The following OCA2 variants were observed in gnomAD, a reference collection of about 807,000 sequenced individuals.
OCA2 encodes P protein.
OCA2 carries 77 observed loss-of-function variants against 100.2 expected under a neutral mutation model. The ratio of observed to expected loss-of-function variants is 0.77; its 90% CI spans 0.64 to 0.93. OCA2 has a LOEUF of 0.93. OCA2 is among the 40% of genes least tolerant of loss of function. OCA2 has a pLI of 0.00. For missense variants in OCA2, 1,062 were observed against 1,089.1 expected, an observed-to-expected ratio of 0.98 and a Z score of 0.35; for synonymous variants, 432 against 439.2, an observed-to-expected ratio of 0.98 and a Z score of 0.21.
intron 19 of OCA2, among the ~76,000 whole-genome samples, chr15:27,925,821 T>C (rs2039022384): frequency 6.6e-6 from 1 of 152,218 alleles, no homozygotes; most frequent in Non-Finnish European, 1.5e-5. Context: ...AACTTGCTGT[T>C]ATAAGTAATT....
chr15:27,893,390 G>C (rs2037547297), intron 19 of OCA2, among the ~76,000 whole-genome samples: 1 of 152,134 alleles, frequency 6.6e-6, no homozygotes. Flanking sequence ...AAAAAGTACA[G>C]AATAACAGCG....
chr15:27,743,645 A>G, the OCA2 span, among the ~76,000 whole-genome samples: 2 of 152,212 alleles, frequency 1.3e-5, no homozygotes, highest in Non-Finnish European at 2.9e-5. Flanking sequence ...TAGTGAATTC[A>G]GCAACTAAAT....
At chr15:27,939,761 G>A (rs964493856) in intron 18 of OCA2, among the ~76,000 whole-genome samples, 10 of 152,234 alleles carry the variant, frequency 6.6e-5, no homozygotes, top group Non-Finnish European at 1.3e-4. Context: ...TCACAGTGAG[G>A]AGTGGGTAAA....
At chr15:27,756,724 A>C (rs575730471) in intron 23 of OCA2, among the ~76,000 whole-genome samples, 176 of 152,118 alleles carry the variant, frequency 1.2e-3, no homozygotes, top group African/African-American at 4.2e-3. Flanking sequence ...GTGTAGAGTG[A>C]GTCAGTGTCA....
intron 23 of OCA2, among the ~76,000 whole-genome samples, chr15:27,756,898 G>C (rs184419201): frequency 3.9e-5 from 6 of 152,198 alleles, no homozygotes; most frequent in Non-Finnish European, 8.8e-5. Flanking sequence ...TCCCAAGTGA[G>C]AGCCACTGAT....
At position 28,043,412 on chromosome 15, in the gene OCA2, C is replaced by T. The variant is rs562448146; in HGVS notation, c.228-11249G>A. On this transcript the variant is annotated intron_variant, in intron 2 of 23. Transcript: ENST00000354638. The surrounding 1 kb of genome is among the most constrained non-coding windows in gnomAD (Gnocchi z 4.4). ...TCCAGCTTGCTGTGAAGCTGGTGAT[C>T]GCTCAATAAATCTCCAAAAATCACA... 6.6e-6 allele frequency among the ~76,000 whole-genome samples: 1 copy of T among 152,156 alleles called. No individual in the cohort carries two copies. The highest frequency in any genetic ancestry group is 2.4e-5 in the African/African-American group (1 of 41,432).
At chr15:27,734,286 CA>C in the OCA2 span, among the ~76,000 whole-genome samples, 664 of 76,346 alleles carry the variant, frequency 8.7e-3, 2 homozygotes, top group African/African-American at 0.022. Context: ...TTTTCAAGAG[CA>C]AAAAAAAAAA....
At chr15:27,881,509 G>A (rs1303007920) in intron 19 of OCA2, among the ~76,000 whole-genome samples, 1 of 151,958 alleles carries the variant, frequency 6.6e-6, no homozygotes, top group Non-Finnish European at 1.5e-5. Flanking sequence ...TTTATTATGG[G>A]TAGGCTGTTA....
Position 28,032,176 on chromosome 15 carries a change from G to C in OCA2, c.228-13C>G, listed in dbSNP as rs2042925057. 2 of 1,582,786 alleles carry C rather than the reference G, an allele frequency of 1.3e-6. No individual in the cohort carries two copies. Among genetic ancestry groups the C allele is most frequent in the Non-Finnish European group, 1.7e-6 (2 of 1,151,644 alleles). On this transcript the variant is annotated splice_polypyrimidine_tract_variant and intron_variant, in intron 2 of 23. Transcript: ENST00000354638. ...AGAAGAGTGAGACCTGAAAGAGACA[G>C]GGTAGGAAACAGAATCACCAACACA...
chr15:27,907,533 T>C (rs1336500973), intron 19 of OCA2, among the ~76,000 whole-genome samples: 1 of 151,868 alleles, frequency 6.6e-6, no homozygotes, highest in Admixed American at 6.6e-5. Flanking sequence ...ACATGGAGAA[T>C]ATAAAAACAG....
intron 23 of OCA2, among the ~76,000 whole-genome samples, chr15:27,755,749 A>T (rs2030307456): frequency 6.6e-6 from 1 of 152,202 alleles, no homozygotes; most frequent in East Asian, 1.9e-4. Flanking sequence ...GTTCATCTAT[A>T]TTAGACTGTT....
intron 23 of OCA2, among the ~76,000 whole-genome samples, chr15:27,798,581 C>T (rs2033448573): frequency 6.6e-6 from 1 of 151,962 alleles, no homozygotes; most frequent in Non-Finnish European, 1.5e-5. Flanking sequence ...TCGCTCTGAC[C>T]CTGATGATCA....
the OCA2 span, among the ~76,000 whole-genome samples, chr15:27,742,446 A>AG: frequency 6.6e-6 from 1 of 152,110 alleles, no homozygotes; most frequent in Non-Finnish European, 1.5e-5. Flanking sequence ...GCCATGTGGG[A>AG]GGGGGACAAA....
chr15:28,081,958 T>C (rs1225617233), intron 1 of OCA2, 63 bp from the exon 2 acceptor site: 14 of 1,323,464 alleles, frequency 1.1e-5, no homozygotes, highest in Non-Finnish European at 1.4e-5. Flanking sequence ...GTTTGCACCT[T>C]GGGAGTCCGT....
chr15:27,834,706 T>C (rs576198118), intron 23 of OCA2, among the ~76,000 whole-genome samples: 1 of 152,304 alleles, frequency 6.6e-6, no homozygotes, highest in Admixed American at 6.5e-5. Flanking sequence ...AAGGATCAGC[T>C]GGAGTAAGGA....
At chr15:27,977,841 C>T (rs2041019663) in intron 14 of OCA2, among the ~76,000 whole-genome samples, 1 of 152,154 alleles carries the variant, frequency 6.6e-6, no homozygotes, top group Non-Finnish European at 1.5e-5. Flanking sequence ...CTCCCTGCCA[C>T]ATGAGGACAC....
intron 19 of OCA2, among the ~76,000 whole-genome samples, chr15:27,882,657 T>C (rs1012942935): frequency 6.6e-6 from 1 of 152,226 alleles, no homozygotes; most frequent in Non-Finnish European, 1.5e-5. Flanking sequence ...TTAAAATATG[T>C]AAACTCTGGA....
At chr15:27,822,657 C>A (rs2034550826) in intron 23 of OCA2, among the ~76,000 whole-genome samples, 1 of 152,128 alleles carries the variant, frequency 6.6e-6, no homozygotes, top group Non-Finnish European at 1.5e-5. Context: ...AGTTCCGCAT[C>A]TTTTCATATT....
At chr15:27,947,384 C>A (rs895292341) in intron 18 of OCA2, among the ~76,000 whole-genome samples, 1 of 152,204 alleles carries the variant, frequency 6.6e-6, no homozygotes, top group Admixed American at 6.5e-5. Context: ...CATTGGGAGC[C>A]ACCTCTTTAC....
Sources: allele counts gnomAD v4.1 joint callset (sites outside exome capture counted in the v4.1 genomes callset), GRCh38; gene constraint gnomAD v4.1.1; non-coding constraint Gnocchi (gnomAD v3.1); transcripts MANE v1.5; gene names NCBI Gene and HGNC (gene_info 2026-07-23, HGNC 2026-07-21).